Variants in ABCC4 observed in about 807,000 individuals in gnomAD.
ABCC4 encodes ATP-binding cassette sub-family C member 4.
A neutral mutation model predicts 168.5 loss-of-function variants in ABCC4; 102 were observed. The ratio of observed to expected loss-of-function variants is 0.61; its 90% confidence interval spans 0.52 to 0.71. The LOEUF is 0.71. Among genes scored for constraint, ABCC4 ranks in the 30% least tolerant of loss-of-function variants. The pLI, the probability that ABCC4 is intolerant of heterozygous loss-of-function variation, is 0.00. For synonymous variants in ABCC4, 617 were observed against 590.7 expected (o/e 1.04, Z -0.65); for missense variants, 1,402 against 1,605.8 (o/e 0.87, Z 2.17).
At chr13:95,073,520 T>G in intron 23 of ABCC4, 4 of 363,738 alleles carry the variant, frequency 1.1e-5, no homozygotes, top group Non-Finnish European at 2.0e-5. Context: ...ATTTTATGAA[T>G]TCCAACAGGA....
intron 1 of ABCC4, among the ~76,000 whole-genome samples, chr13:95,292,864 A>T (rs7981095): frequency 0.29 from 44,139 of 152,002 alleles, 8,097 homozygotes; most frequent in African/African-American, 0.53. Flanking sequence ...ACAAGGAGCT[A>T]CGTCGCAGGC....
intron 19 of ABCC4, among the ~76,000 whole-genome samples, chr13:95,139,554 C>T (rs780829479): frequency 1.4e-4 from 21 of 152,150 alleles, no homozygotes; most frequent in South Asian, 4.1e-4. Context: ...CCAATGGGGC[C>T]GTGAGTGCTC....
intron 8 of ABCC4, among the ~76,000 whole-genome samples, chr13:95,201,565 T>C (rs2038625952): frequency 6.6e-6 from 1 of 152,180 alleles, no homozygotes; most frequent in South Asian, 2.1e-4. Flanking sequence ...CTGCCTTTTG[T>C]AAGTTTAGAG....
At chr13:95,297,814 T>C (rs2041573831) in intron 1 of ABCC4, among the ~76,000 whole-genome samples, 1 of 152,172 alleles carries the variant, frequency 6.6e-6, no homozygotes, top group Non-Finnish European at 1.5e-5. Context: ...GGTTAATCTG[T>C]AGCTATGTGG....
intron 26 of ABCC4, among the ~76,000 whole-genome samples, chr13:95,056,912 T>A (rs1459052007): frequency 6.6e-6 from 1 of 152,246 alleles, no homozygotes; most frequent in African/African-American, 2.4e-5. Flanking sequence ...GTTAGGGTGC[T>A]ATCATAAATG....
chr13:95,177,648 G>A, intron 13 of ABCC4, 59 bp downstream of exon 13: 3 of 1,464,226 alleles, frequency 2.0e-6, no homozygotes, highest in Non-Finnish European at 2.8e-6. Context: ...AGGCTTTCCT[G>A]AGCCAACTCG....
chr13:95,167,612 C>G (rs1248328192), intron 14 of ABCC4, among the ~76,000 whole-genome samples: 1 of 152,176 alleles, frequency 6.6e-6, no homozygotes, highest in Non-Finnish European at 1.5e-5. Flanking sequence ...TACATTGTGT[C>G]TTCTTCCACA....
intron 4 of ABCC4, among the ~76,000 whole-genome samples, chr13:95,219,688 G>A (rs1475104774): frequency 6.6e-6 from 1 of 152,004 alleles, no homozygotes; most frequent in Non-Finnish European, 1.5e-5. Context: ...GGGTAGAACA[G>A]GGAGGGCCGA....
intron 1 of ABCC4, among the ~76,000 whole-genome samples, chr13:95,252,011 G>A (rs184458238): frequency 8.8e-4 from 134 of 152,212 alleles, no homozygotes; most frequent in African/African-American, 2.8e-3. Flanking sequence ...TGCTACAGAC[G>A]TCACCCACCT....
intron 19 of ABCC4, among the ~76,000 whole-genome samples, chr13:95,119,562 C>T (rs1037902388): frequency 6.6e-6 from 1 of 152,108 alleles, no homozygotes; most frequent in Non-Finnish European, 1.5e-5. Flanking sequence ...TGTCAAAATA[C>T]AAATTCATAA....
intron 11 of ABCC4, among the ~76,000 whole-genome samples, chr13:95,178,865 T>C (rs989820596): frequency 1.3e-5 from 2 of 152,182 alleles, no homozygotes; most frequent in African/African-American, 4.8e-5. Context: ...TCAGTGGTCA[T>C]GTGCTGAACA....
intron 3 of ABCC4, among the ~76,000 whole-genome samples, chr13:95,246,753 T>G (rs993496170): frequency 1.3e-5 from 2 of 152,208 alleles, no homozygotes; most frequent in Non-Finnish European, 2.9e-5. Context: ...AATAATGACC[T>G]TGAACTTCAG....
chr13:95,034,531 T>C lies in ABCC4; in HGVS notation c.3870+74A>G, dbSNP rs557135327. 19 of 1,544,852 alleles carry C rather than the reference T, an allele frequency of 1.2e-5. No homozygotes were observed. The African/African-American group carries it at 2.6e-4, about 21-fold the overall frequency. The stretch of plus-strand genomic sequence containing the variant: ...AAAGGGTACACAGTGCTTGTTACCA[T>C]ACCCATGGTGCCAAATTGTGCGGAG... On this transcript the variant is annotated intron_variant, in intron 30 of 30. Transcript: ENST00000645237.
chr13:95,174,198 T>C (rs2037581414), intron 13 of ABCC4, among the ~76,000 whole-genome samples: 1 of 152,230 alleles, frequency 6.6e-6, no homozygotes, highest in African/African-American at 2.4e-5. Flanking sequence ...CCTCACTTTT[T>C]GTATGTGATA....
At chr13:95,268,491 A>G (rs1239259842) in intron 1 of ABCC4, among the ~76,000 whole-genome samples, 5 of 149,776 alleles carry the variant, frequency 3.3e-5, no homozygotes, top group African/African-American at 5.0e-5. Context: ...TTTGCAGTTG[A>G]GATAAGAGGA....
rs773328777 is a variant in ABCC4, at chr13:95,286,123, C to CTTTTTTTTTTTTTTTTTTTTT, written c.74+15117_74+15118insAAAAAAAAAAAAAAAAAAAAA. On this transcript the variant is annotated intron_variant, in intron 1 of 30. Coordinates refer to ENST00000645237, the MANE Select transcript of ABCC4 (RefSeq NM_005845.5). Reference sequence around the variant, plus strand: ...GCTGTGAAACTGCTTTCCAGAAAAACTTTTTTTTTTTTTTGAGACGGAGTC... The same window carrying CTTTTTTTTTTTTTTTTTTTTT: ...GCTGTGAAACTGCTTTCCAGAAAAACTTTTTTTTTTTTTTTTTTTTTTTTTTTTTTTTTTTGAGACGGAGTC... Among the ~76,000 whole-genome samples, 15 of 105,558 alleles carry CTTTTTTTTTTTTTTTTTTTTT rather than the reference C, an allele frequency of 1.4e-4. 2 individuals carry two copies. Among genetic ancestry groups the CTTTTTTTTTTTTTTTTTTTTT allele is most frequent in the Non-Finnish European group, 1.9e-4 (10 of 53,890 alleles). The allele number at this position is 105,558 out of a possible 152,430, so 69.3% of individuals were successfully genotyped here.
chr13:95,288,539 C>T (rs1156744698), intron 1 of ABCC4, among the ~76,000 whole-genome samples: 2 of 152,180 alleles, frequency 1.3e-5, no homozygotes, highest in Non-Finnish European at 2.9e-5. Flanking sequence ...GACGCAGTGG[C>T]TCATGCCTGT....
intron 4 of ABCC4, among the ~76,000 whole-genome samples, chr13:95,226,703 A>C (rs1298964695): frequency 6.6e-6 from 1 of 152,176 alleles, no homozygotes. Flanking sequence ...GACTTCATGG[A>C]GTCTTCTACA....
In ABCC4 at chr13:95,197,423, C is replaced by T. The variant is rs557142900; in HGVS notation, c.1162-2486G>A. 1.1e-4 allele frequency among the ~76,000 whole-genome samples: 17 copies of T among 152,330 alleles called. No individual in the cohort carries two copies. In the South Asian group the frequency reaches 3.5e-3, roughly 32 times the overall value. On this transcript the variant is annotated intron_variant, in intron 8 of 30. Coordinates refer to ENST00000645237, the MANE Select transcript of ABCC4 (RefSeq NM_005845.5). ...CACCTTCAAAATAAAAAACTATGCA[C>T]ACAGTAAACCTATTGAGCACTGGTC...
Sources: gnomAD v4.1 joint callset for allele counts (sites outside exome capture counted in the v4.1 genomes callset) on GRCh38, gnomAD v4.1.1 for gene constraint, MANE v1.5 for transcripts, NCBI Gene and HGNC (gene_info 2026-07-23, HGNC 2026-07-21) for gene names.